PIAS2: variants seen among roughly 807,000 people sequenced by gnomAD.
PIAS2 encodes E3 SUMO-protein ligase PIAS2.
A neutral mutation model predicts 69.7 loss-of-function variants in PIAS2; 19 were observed. The ratio of observed to expected loss-of-function variants is 0.27; its 90% confidence interval spans 0.19 to 0.40. The LOEUF is 0.40. Ranked by LOEUF, PIAS2 falls within the 10% of genes least tolerant of loss-of-function variation. The pLI, the probability that PIAS2 is intolerant of heterozygous loss-of-function variation, is 1.00. For synonymous variants in PIAS2, 261 were observed against 263.2 expected, an observed-to-expected ratio of 0.99 and a Z score of 0.08; for missense variants, 624 against 757.0, an observed-to-expected ratio of 0.82 and a Z score of 2.06.
chr18:46,847,146 C>G (rs2046270329), intron 5 of PIAS2, among the ~76,000 whole-genome samples: 1 of 152,242 alleles, frequency 6.6e-6, no homozygotes, highest in African/African-American at 2.4e-5. Context: ...GGACACCAAG[C>G]TTTACAGATA....
intron 2 of PIAS2, among the ~76,000 whole-genome samples, chr18:46,877,692 G>A (rs1269063554): frequency 2.6e-5 from 4 of 152,132 alleles, no homozygotes; most frequent in Admixed American, 6.5e-5. Flanking sequence ...ATGGGGACAC[G>A]ACACAGAACC....
At chr18:46,893,260 T>C (rs753813319) in intron 1 of PIAS2, among the ~76,000 whole-genome samples, 5 of 152,218 alleles carry the variant, frequency 3.3e-5, no homozygotes, top group African/African-American at 1.2e-4. Context: ...CTTCAATTGA[T>C]TGTGGAACAC....
chr18:46,804,530 C>T lies in PIAS2; in HGVS notation c.*7903G>A, dbSNP rs538266428. On this transcript the variant is annotated 3_prime_UTR_variant, in exon 14 of 14. Transcript: ENST00000585916. ...ATGAAAACTCTTCAATGTCTCATCA[C>T]TGTTTTACAAGGCCCTTCACGATCT... 6.6e-5 allele frequency: 10 copies of T among 152,356 alleles called. No individual in the cohort carries two copies. The highest frequency in any genetic ancestry group is 2.4e-4 in the African/African-American group (10 of 41,586). 9.4% of individuals were successfully genotyped at this position (152,356 alleles called of 1,614,324 possible). A position where few individuals can be genotyped will look rare whatever the true frequency, so the allele number is the denominator to read the frequency against.
In PIAS2 at chr18:46,805,898, A is replaced by G. The variant is rs1347295501; in HGVS notation, c.*6535T>C. On this transcript the variant is annotated 3_prime_UTR_variant, in exon 14 of 14. Transcript: ENST00000585916. The stretch of plus-strand genomic sequence containing the variant: ...CTTAACATTCATCACTGTCTCCCAT[A>G]CATGATTCGTCTTCACTCTAAACTG... The G allele has an allele frequency of 1.3e-5, 2 of 152,198 alleles. No homozygotes were observed. The highest frequency in any genetic ancestry group is 1.9e-4 in the East Asian group (1 of 5,198). 9.4% of individuals were successfully genotyped at this position (152,198 alleles called of 1,614,324 possible). A position where few individuals can be genotyped will look rare whatever the true frequency, so the allele number is the denominator to read the frequency against.
At chr18:46,824,857 A>G (rs1212297140) in intron 11 of PIAS2, among the ~76,000 whole-genome samples, 1 of 150,918 alleles carries the variant, frequency 6.6e-6, no homozygotes, top group African/African-American at 2.4e-5. Context: ...AAAAAAACAC[A>G]AAAAAATTAG....
At chr18:46,905,945 T>C (rs945235426) in intron 1 of PIAS2, 9 of 152,102 alleles carry the variant, frequency 5.9e-5, no homozygotes, top group African/African-American at 2.2e-4. Flanking sequence ...ACAAAAATCC[T>C]AAATTAAATA....
rs1424847690 is a variant in PIAS2, at chr18:46,811,778, T to C, written c.*655A>G. Reference sequence around the variant, plus strand: ...TCCCAGAACTTCACACAGCACTCATTAGCAAACAACGTCAAAGTGTAAATG... The same window carrying C: ...TCCCAGAACTTCACACAGCACTCATCAGCAAACAACGTCAAAGTGTAAATG... On this transcript the variant is annotated 3_prime_UTR_variant, in exon 14 of 14. Coordinates refer to ENST00000585916, the MANE Select transcript of PIAS2 (RefSeq NM_004671.5). The C allele has an allele frequency of 1.3e-5, 2 of 152,230 alleles. No individual in the cohort carries two copies. The highest frequency in any genetic ancestry group is 2.9e-5 in the Non-Finnish European group (2 of 68,056). The allele number at this position is 152,230 out of a possible 1,614,324, so 9.4% of individuals were successfully genotyped here. A position where few individuals can be genotyped will look rare whatever the true frequency, so the allele number is the denominator to read the frequency against.
chr18:46,919,007 ATGTG>A (rs112427539), upstream of PIAS2, among the ~76,000 whole-genome samples: 5,113 of 143,250 alleles, frequency 0.036, 226 homozygotes, highest in African/African-American at 0.12. Context: ...ATATATATAT[ATGTG>A]TGTGTGTGTG....
chr18:46,873,841 G>A (rs148602954), intron 2 of PIAS2, among the ~76,000 whole-genome samples: 4 of 152,214 alleles, frequency 2.6e-5, no homozygotes, highest in Admixed American at 6.5e-5. Context: ...ACAAGCTGCC[G>A]TTTCCTCTGA....
chr18:46,814,114 G>A (rs2041256628), intron 13 of PIAS2, among the ~76,000 whole-genome samples: 1 of 152,122 alleles, frequency 6.6e-6, no homozygotes, highest in Admixed American at 6.6e-5. Flanking sequence ...TCTGTGCGTT[G>A]AATTCTTAGT....
At chr18:46,878,939 G>A (rs2051711088) in intron 2 of PIAS2, among the ~76,000 whole-genome samples, 2 of 152,186 alleles carry the variant, frequency 1.3e-5, no homozygotes, top group South Asian at 4.1e-4. Flanking sequence ...CTCATACTAT[G>A]GCTAACATAG....
chr18:46,849,820 G>A (rs753741696), intron 5 of PIAS2, among the ~76,000 whole-genome samples: 37 of 152,112 alleles, frequency 2.4e-4, no homozygotes, highest in Non-Finnish European at 4.7e-4. Context: ...TGCCATTCTT[G>A]TTTCAAATGC....
intron 2 of PIAS2, among the ~76,000 whole-genome samples, chr18:46,885,911 T>A (rs993840383): frequency 5.3e-5 from 8 of 152,256 alleles, no homozygotes; most frequent in Non-Finnish European, 1.2e-4. Flanking sequence ...TTTATTTTAG[T>A]AAATTTATAA....
chr18:46,886,342 A>G (rs891048801), intron 2 of PIAS2, among the ~76,000 whole-genome samples: 2 of 152,216 alleles, frequency 1.3e-5, no homozygotes, highest in Admixed American at 6.5e-5. Context: ...TTAAGTAATA[A>G]ATTTATAATA....
intron 1 of PIAS2, among the ~76,000 whole-genome samples, chr18:46,912,735 T>C (rs115633748): frequency 0.013 from 1,928 of 152,266 alleles, 40 homozygotes; most frequent in African/African-American, 0.045. Context: ...TTTTAGACTT[T>C]TGGAACAACA....
chr18:46,889,670 G>A (rs2053755154), intron 2 of PIAS2, among the ~76,000 whole-genome samples: 1 of 152,194 alleles, frequency 6.6e-6, no homozygotes, highest in Non-Finnish European at 1.5e-5. Flanking sequence ...GTATGGTGAT[G>A]CCTCAAAATA....
intron 3 of PIAS2, among the ~76,000 whole-genome samples, chr18:46,861,002 G>A (rs561068322): frequency 2.8e-4 from 43 of 152,014 alleles, no homozygotes; most frequent in Non-Finnish European, 4.7e-4. Context: ...ATAAAAGGCC[G>A]GGTGTGGTGG....
chr18:46,876,407 TTA>T (rs2051197592), intron 2 of PIAS2, among the ~76,000 whole-genome samples: 1 of 152,086 alleles, frequency 6.6e-6, no homozygotes, highest in East Asian at 1.9e-4. Flanking sequence ...ATTGGATAAA[TTA>T]CATCTATTAC....
chr18:46,888,251 A>AT (rs937333529), intron 2 of PIAS2, among the ~76,000 whole-genome samples: 30 of 150,728 alleles, frequency 2.0e-4, no homozygotes, highest in African/African-American at 5.1e-4. Flanking sequence ...GGAAGACTTA[A>AT]TTTTTTTTTT....
Sources: allele counts gnomAD v4.1 joint callset (sites outside exome capture counted in the v4.1 genomes callset), GRCh38; gene constraint gnomAD v4.1.1; transcripts MANE v1.5; gene names NCBI Gene and HGNC (gene_info 2026-07-23, HGNC 2026-07-21).